Variants in LRBA observed in about 807,000 individuals in gnomAD.
LRBA encodes the protein lipopolysaccharide-responsive and beige-like anchor protein.
In LRBA, 176 loss-of-function variants were observed where a neutral mutation model predicts 330.0. The ratio of observed to expected loss-of-function variants is 0.53; its 90% confidence interval spans 0.47 to 0.60. The LOEUF (loss-of-function observed/expected upper bound fraction) is 0.60, where lower values mean the gene tolerates loss of function less well. Ranked by LOEUF, LRBA falls within the 20% of genes least tolerant of loss-of-function variation. The probability of loss-of-function intolerance (pLI) is 0.00; values close to 1 mark genes in which losing one functional copy is unlikely to be tolerated. For synonymous variants in LRBA, 1,230 were observed against 1,193.0 expected (o/e 1.03, Z -0.64); for missense variants, 3,259 against 3,444.8 (o/e 0.95, Z 1.35).
At chr4:150,459,052 TA>T (rs1470410748) in intron 44 of LRBA, among the ~76,000 whole-genome samples, 4 of 152,072 alleles carry the variant, frequency 2.6e-5, no homozygotes, top group African/African-American at 4.8e-5. Context: ...CTAAATGTTT[TA>T]TTTTTTTAGG....
intron 39 of LRBA, among the ~76,000 whole-genome samples, chr4:150,588,929 C>T (rs1371204596): frequency 6.6e-6 from 1 of 152,002 alleles, no homozygotes; most frequent in Admixed American, 6.6e-5. Context: ...CAGACTGCTA[C>T]TGAAAACAAT....
In LRBA at chr4:150,313,759, T is replaced by C. The variant is rs1423426836; in HGVS notation, c.7693+1802A>G. 2.0e-4 allele frequency among the ~76,000 whole-genome samples: 31 copies of C among 151,422 alleles called. No individual in the cohort carries two copies. In the Admixed American group the frequency reaches 2.0e-3, roughly 10 times the overall value. The stretch of plus-strand genomic sequence containing the variant: ...GATTTTTTTTTCAGATTTTGGAATA[T>C]TTTCATAGATTGAGATATCTTGGGG... On this transcript the variant is annotated intron_variant, in intron 51 of 56. Transcript: ENST00000651943.
intron 55 of LRBA, among the ~76,000 whole-genome samples, chr4:150,280,200 T>A (rs906077894): frequency 2.0e-5 from 3 of 152,198 alleles, no homozygotes; most frequent in Non-Finnish European, 2.9e-5. Flanking sequence ...AAGCAGCACC[T>A]GATCTCCCAC....
intron 42 of LRBA, among the ~76,000 whole-genome samples, chr4:150,480,983 T>C (rs1757230413): frequency 6.6e-6 from 1 of 152,086 alleles, no homozygotes; most frequent in Non-Finnish European, 1.5e-5. Flanking sequence ...CCCTATCATC[T>C]CTCCCTCCCC....
At chr4:150,584,157 A>G (rs376960539) in intron 40 of LRBA, 1 of 1,494,830 alleles carries the variant, frequency 6.7e-7, no homozygotes, top group Non-Finnish European at 8.9e-7. Flanking sequence ...GTGCTCTCTC[A>G]GACACACAAC....
At chr4:150,507,806 A>T (rs1761296342) in intron 40 of LRBA, among the ~76,000 whole-genome samples, 1 of 152,158 alleles carries the variant, frequency 6.6e-6, no homozygotes, top group South Asian at 2.1e-4. Flanking sequence ...ACAGAATGGG[A>T]GAAAATTTTT....
rs1777515252 is a variant in LRBA, at chr4:150,632,758, A to G, written c.5922-33627T>C. Among the ~76,000 whole-genome samples, 4 of 152,174 alleles carry G rather than the reference A, an allele frequency of 2.6e-5. No individual in the cohort carries two copies. In the South Asian group the frequency reaches 8.3e-4, roughly 32 times the overall value. On this transcript the variant is annotated intron_variant, in intron 37 of 56. Coordinates refer to ENST00000651943, the MANE Select transcript of LRBA (RefSeq NM_001364905.1). ...AATTATCATCCAACAACTAAGTCTCAGCTTAGATGTCAGCTCCTACAGGTA... is the reference window on the plus strand; with the variant it reads ...AATTATCATCCAACAACTAAGTCTCGGCTTAGATGTCAGCTCCTACAGGTA...
intron 35 of LRBA, among the ~76,000 whole-genome samples, chr4:150,749,801 T>C (rs1733297004): frequency 6.6e-6 from 1 of 152,052 alleles, no homozygotes; most frequent in Admixed American, 6.6e-5. Flanking sequence ...GTAAGTTATA[T>C]CATGCCACTC....
In LRBA at chr4:150,600,540, C is replaced by T. The variant is rs562391949; in HGVS notation, c.5922-1409G>A. ...CAGTAGAGACTGATCTCTGAAAATG[C>T]TGAAGGGATAAGAACATCAAATATT... On this transcript the variant is annotated intron_variant, in intron 37 of 56. Transcript: ENST00000651943. Among the ~76,000 whole-genome samples the T allele has an allele frequency of 1.9e-3, 295 of 151,990 alleles. 2 individuals are homozygous for T. Among genetic ancestry groups the T allele is most frequent in the Middle Eastern group, 0.014 (4 of 294 alleles).
At chr4:150,722,819 G>C (rs186325684) in intron 36 of LRBA, among the ~76,000 whole-genome samples, 1 of 152,016 alleles carries the variant, frequency 6.6e-6, no homozygotes, top group Admixed American at 6.6e-5. Context: ...GGGCAGGAGA[G>C]ACAGACTTGA....
chr4:150,916,876 G>T, intron 5 of LRBA, 138 bp from the exon 6 acceptor site: 1 of 653,938 alleles, frequency 1.5e-6, no homozygotes, highest in Non-Finnish European at 2.3e-6. Flanking sequence ...ATCTGAGGCC[G>T]GGCGCGGTGG....
chr4:150,991,537 G>T (rs773147102), intron 2 of LRBA, among the ~76,000 whole-genome samples: 4 of 152,198 alleles, frequency 2.6e-5, no homozygotes, highest in Non-Finnish European at 5.9e-5. Flanking sequence ...AATGCAATTT[G>T]CTGAGTACAA....
chr4:150,998,670 T>C (rs1422061390), intron 2 of LRBA, among the ~76,000 whole-genome samples: 1 of 152,092 alleles, frequency 6.6e-6, no homozygotes, highest in Non-Finnish European at 1.5e-5. Flanking sequence ...ATTCACTTAA[T>C]TACTAAAATT....
chr4:150,673,132 A>T (rs1169719431), intron 37 of LRBA, among the ~76,000 whole-genome samples: 1 of 152,222 alleles, frequency 6.6e-6, no homozygotes, highest in African/African-American at 2.4e-5. Context: ...TAAAACAAGG[A>T]GAGGCATAAA....
chr4:150,645,060 A>G (rs1245036265), intron 37 of LRBA, among the ~76,000 whole-genome samples: 1 of 151,484 alleles, frequency 6.6e-6, no homozygotes, highest in East Asian at 1.9e-4. Context: ...TTTCTCAGAA[A>G]TACAAGTGGA....
intron 31 of LRBA, among the ~76,000 whole-genome samples, chr4:150,814,201 T>C (rs1455682501): frequency 6.6e-6 from 1 of 152,064 alleles, no homozygotes; most frequent in Non-Finnish European, 1.5e-5. Context: ...CTTATTTTAA[T>C]GGCAGATAAC....
intron 38 of LRBA, 93 bp from the exon 39 acceptor site, chr4:150,590,952 A>G: frequency 8.9e-7 from 1 of 1,128,300 alleles, no homozygotes; most frequent in South Asian, 1.5e-5. Context: ...GTGGCCAAAG[A>G]TGGTCAATCT....
At chr4:151,011,495 G>A (rs1744834046) in intron 2 of LRBA, among the ~76,000 whole-genome samples, 1 of 150,224 alleles carries the variant, frequency 6.7e-6, no homozygotes, top group South Asian at 2.1e-4. Context: ...CTACTTGGGA[G>A]TCTGAGGCAG....
At chr4:150,858,219 C>CA (rs1751452691) in intron 22 of LRBA, among the ~76,000 whole-genome samples, 4 of 152,032 alleles carry the variant, frequency 2.6e-5, no homozygotes, top group Non-Finnish European at 5.9e-5. Flanking sequence ...TAGCCAGGAA[C>CA]AAAGGTACAT....
Sources: gnomAD v4.1 joint callset for allele counts (sites outside exome capture counted in the v4.1 genomes callset) on GRCh38, gnomAD v4.1.1 for gene constraint, MANE v1.5 for transcripts, NCBI Gene and HGNC (gene_info 2026-07-23, HGNC 2026-07-21) for gene names.